The following MALT1 variants were observed in gnomAD, a reference collection of about 807,000 sequenced individuals.
MALT1 encodes the protein MALT1 paracaspase, also known as mucosa-associated lymphoid tissue lymphoma translocation protein 1.
A neutral mutation model predicts 85.5 loss-of-function variants in MALT1; 36 were observed. The ratio of observed to expected loss-of-function variants is 0.42; its 90% CI spans 0.32 to 0.56. MALT1 has a LOEUF of 0.56. MALT1 is among the 20% of genes least tolerant of loss of function. MALT1 has a pLI of 0.10. For synonymous variants in MALT1, 359 were observed against 361.3 expected (o/e 0.99, Z 0.07); for missense variants, 716 against 981.6 (o/e 0.73, Z 3.62).
At chr18:58,700,391 A>C (rs747127808) in intron 3 of MALT1, 50 bp from the exon 4 acceptor site, 2 of 1,397,234 alleles carry the variant, frequency 1.4e-6, no homozygotes, top group Non-Finnish European at 1.9e-6. Context: ...CATATTTTAT[A>C]AGGTGTGTTT....
intron 2 of MALT1, among the ~76,000 whole-genome samples, chr18:58,692,482 C>G (rs950182507): frequency 2.7e-5 from 4 of 149,274 alleles, no homozygotes; most frequent in African/African-American, 9.7e-5. Context: ...CTCTTCCTCT[C>G]CCACCTCCCC....
At chr18:58,717,875 A>C (rs187049909) in intron 9 of MALT1, among the ~76,000 whole-genome samples, 16 of 152,198 alleles carry the variant, frequency 1.1e-4, no homozygotes, top group Admixed American at 1.0e-3. Context: ...AATACCTATT[A>C]AAATAGTGTT....
chr18:58,723,606 C>A (rs2055014049), intron 10 of MALT1, among the ~76,000 whole-genome samples: 1 of 151,912 alleles, frequency 6.6e-6, no homozygotes, highest in South Asian at 2.1e-4. Context: ...GTGGGGTTTT[C>A]TTTGAGGGGG....
chr18:58,741,369 T>G (rs1246611430), intron 13 of MALT1: 3 of 152,158 alleles, frequency 2.0e-5, no homozygotes, highest in African/African-American at 7.2e-5. Context: ...ACTCCTACAA[T>G]ACTTGGTATC....
chr18:58,692,066 AAAG>A (rs1361174899), intron 2 of MALT1: 22 of 153,536 alleles, frequency 1.4e-4, no homozygotes, highest in African/African-American at 5.1e-4. Flanking sequence ...AAAAAAAAAA[AAAG>A]AGGGTGGTTG....
intron 9 of MALT1, among the ~76,000 whole-genome samples, chr18:58,716,185 TTGTG>T: frequency 6.6e-6 from 1 of 152,196 alleles, no homozygotes; most frequent in Non-Finnish European, 1.5e-5. Context: ...GTGGAGTGAT[TTGTG>T]TGTTTCTCAC....
chr18:58,709,647 C>T (rs952322940), intron 5 of MALT1, 91 bp downstream of exon 5: 17 of 1,050,910 alleles, frequency 1.6e-5, no homozygotes, highest in Admixed American at 8.9e-5. Flanking sequence ...AAACTCATAT[C>T]CTTTCAGATG....
chr18:58,716,431 A>G (rs1036966486), intron 9 of MALT1, among the ~76,000 whole-genome samples: 2 of 152,252 alleles, frequency 1.3e-5, no homozygotes, highest in Admixed American at 6.5e-5. Context: ...TGTAAGGGAG[A>G]AAACTTTAGC....
intron 2 of MALT1, chr18:58,690,973 TCA>T: frequency 3.5e-6 from 1 of 284,774 alleles, no homozygotes; most frequent in Non-Finnish European, 6.9e-6. Flanking sequence ...TGTGTAAGTC[TCA>T]GATTCTCAGG....
chr18:58,673,717 G>A (rs2054200806), intron 1 of MALT1, among the ~76,000 whole-genome samples: 2 of 152,132 alleles, frequency 1.3e-5, no homozygotes, highest in Admixed American at 1.3e-4. Context: ...CCAAAGTACT[G>A]GGATTACAGG....
chr18:58,714,266 A>G (rs1472789458), intron 8 of MALT1, among the ~76,000 whole-genome samples, 157 bp downstream of exon 8: 1 of 152,216 alleles, frequency 6.6e-6, no homozygotes, highest in Non-Finnish European at 1.5e-5. Context: ...CATGAAGTAC[A>G]ATTTTATACA....
chr18:58,686,093 T>C (rs754441317), intron 2 of MALT1, among the ~76,000 whole-genome samples: 1 of 152,308 alleles, frequency 6.6e-6, no homozygotes, highest in South Asian at 2.1e-4. Context: ...AGTGGCGCGA[T>C]CTTGGCTCAC....
At chr18:58,743,336 A>G (rs1038746323) in intron 14 of MALT1, among the ~76,000 whole-genome samples, 1 of 152,234 alleles carries the variant, frequency 6.6e-6, no homozygotes, top group African/African-American at 2.4e-5. Context: ...AGGTCACGCC[A>G]TTGCACTCCA....
At chr18:58,738,967 T>A (rs1265410799) in intron 13 of MALT1, among the ~76,000 whole-genome samples, 1 of 152,222 alleles carries the variant, frequency 6.6e-6, no homozygotes, top group Non-Finnish European at 1.5e-5. Flanking sequence ...TAGAATAATA[T>A]TGTAAGTTTT....
rs916160280 is a variant in MALT1, at chr18:58,749,726, T to C, written c.*1884T>C. 1.4e-5 allele frequency: 3 copies of C among 219,958 alleles called. No individual in the cohort carries two copies. In the Admixed American group the frequency reaches 1.7e-4, roughly 13 times the overall value. 13.6% of individuals were successfully genotyped at this position (219,958 alleles called of 1,614,324 possible). ...AAGCACAAAACCCACACAGATTGTC[T>C]TATTACAGCATTTGATAAAATCCAA... On this transcript the variant is annotated 3_prime_UTR_variant, in exon 17 of 17. Transcript: ENST00000649217.
chr18:58,746,853 G>A (rs544350059), intron 16 of MALT1, among the ~76,000 whole-genome samples: 132 of 151,770 alleles, frequency 8.7e-4, no homozygotes, highest in African/African-American at 3.0e-3. Flanking sequence ...TCAGCCTCCC[G>A]AGTAGCCAGG....
intron 2 of MALT1, among the ~76,000 whole-genome samples, chr18:58,689,440 T>C (rs1365507670): frequency 2.0e-5 from 3 of 152,216 alleles, no homozygotes; most frequent in Non-Finnish European, 4.4e-5. Context: ...AACTTGCTGC[T>C]GTAGTAATTT....
rs1296531866 is a variant in MALT1, at chr18:58,752,655, C to T, written c.*4813C>T. 1 of 147,438 alleles carries T rather than the reference C, an allele frequency of 6.8e-6. No homozygotes were observed. Among genetic ancestry groups the T allele is most frequent in the Non-Finnish European group, 1.5e-5 (1 of 67,052 alleles). The allele number at this position is 147,438 out of a possible 1,614,324, so 9.1% of individuals were successfully genotyped here. A position where few individuals can be genotyped will look rare whatever the true frequency, so the allele number is the denominator to read the frequency against. ...AAAAAAAAGCAAAAACAAAAATTAA[C>T]TGGGCATAGTTGCACACACCTGTAG... On this transcript the variant is annotated 3_prime_UTR_variant, in exon 17 of 17. Coordinates refer to ENST00000649217, the MANE Select transcript of MALT1 (RefSeq NM_006785.4).
Position 58,733,437 on chromosome 18 carries a change from G to T in MALT1, c.1263G>T (p.Gly421=). 1 of 1,612,700 alleles carries T rather than the reference G, an allele frequency of 6.2e-7. No homozygotes were observed. The highest frequency in any genetic ancestry group is 2.2e-5 in the East Asian group (1 of 44,858). Residue 421 remains glycine, a synonymous_variant, in exon 11 of 17, where the codon GGG becomes GGT. Transcript: ENST00000649217. ...YYAGHGYENF[G]NSFMVPVDAP... ...CAGGACATGGTTATGAAAATTTTGG[G>T]AACAGCTTCATGGTCCCCGTTGATG...
Sources: allele counts gnomAD v4.1 joint callset (sites outside exome capture counted in the v4.1 genomes callset), GRCh38; gene constraint gnomAD v4.1.1; transcripts MANE v1.5; gene names NCBI Gene and HGNC (gene_info 2026-07-23, HGNC 2026-07-21).